Variants in FCGR2B observed in about 807,000 individuals in gnomAD.
The protein encoded by FCGR2B is Fc gamma receptor IIb, also known as low affinity immunoglobulin gamma Fc region receptor II-b.
Under a neutral mutation model 24.8 loss-of-function variants are expected in FCGR2B, and 18 were observed. The ratio of observed to expected loss-of-function variants is 0.73; its 90% CI spans 0.50 to 1.08. FCGR2B has a LOEUF of 1.08. Among genes scored for constraint, FCGR2B ranks in the 50% least tolerant of loss-of-function variants. FCGR2B has a pLI of 0.00. For synonymous variants in FCGR2B, 79 were observed against 109.8 expected, an observed-to-expected ratio of 0.72 and a Z score of 1.75; for missense variants, 215 against 297.6, an observed-to-expected ratio of 0.72 and a Z score of 2.04.
At position 161,671,519 on chromosome 1, in the gene FCGR2B, T is replaced by A; in HGVS notation, c.261T>A (p.Asn87Lys). 6.2e-7 allele frequency: 1 copy of A among 1,614,192 alleles called. No individual in the cohort carries two copies. Among genetic ancestry groups the A allele is most frequent in the Non-Finnish European group, 8.5e-7 (1 of 1,180,042 alleles). ...PESDSIQWFH[N>K]GNLIPTHTQP... ...GCGACTCCATTCAGTGGTTCCACAATGGGAATCTCATTCCCACCCACACGC... is the reference window on the plus strand; with the variant it reads ...GCGACTCCATTCAGTGGTTCCACAAAGGGAATCTCATTCCCACCCACACGC... The change falls in exon 3 of 8, where the codon AAT (asparagine) becomes AAA (lysine). Residue 87 changes from asparagine to lysine, a missense_variant. By Grantham distance (94) the Asn-to-Lys change is moderately conservative (BLOSUM62 0). Coordinates refer to ENST00000358671, the MANE Select transcript of FCGR2B (RefSeq NM_001394477.1).
chr1:161,677,553 G>A lies in FCGR2B; in HGVS notation c.933G>A (p.Ter311=), dbSNP rs201916910. ...LEEPDDQNRI[*] is the part of the protein sequence containing the mutation. The stretch of plus-strand genomic sequence containing the variant: ...AGCCTGATGACCAGAACCGTATTTA[G>A]TCTCCATTGTCTTGCATTGGGATTT... The change falls in exon 8 of 8, where the codon TAG becomes TAA. Residue 311 remains the stop codon, a stop_retained_variant. Coordinates refer to ENST00000358671, the MANE Select transcript of FCGR2B (RefSeq NM_001394477.1). 5.6e-6 allele frequency: 9 copies of A among 1,605,688 alleles called. No individual in the cohort carries two copies. The highest frequency in any genetic ancestry group is 6.8e-6 in the Non-Finnish European group (8 of 1,173,792).
the FCGR2B span, among the ~76,000 whole-genome samples, chr1:161,653,005 A>G: frequency 7.4e-6 from 1 of 134,352 alleles, no homozygotes; most frequent in Admixed American, 8.2e-5. Flanking sequence ...TTCTCTCTTC[A>G]GTGGCAGAGT....
At chr1:161,648,986 T>C in the FCGR2B span, among the ~76,000 whole-genome samples, 2 of 151,076 alleles carry the variant, frequency 1.3e-5, no homozygotes, top group African/African-American at 4.9e-5. Flanking sequence ...ATCTGTAATG[T>C]ATATTTGGGA....
Position 161,672,973 on chromosome 1 carries a change from A to C in FCGR2B, c.392-2A>C. Reference sequence around the variant, plus strand: ...TCCTCTGCGGTTTTTTGTGTCTTTCAGAGTGGCTGGTGCTCCAGACCCCTC... The same window carrying C: ...TCCTCTGCGGTTTTTTGTGTCTTTCCGAGTGGCTGGTGCTCCAGACCCCTC... On this transcript the variant is annotated splice_acceptor_variant, in intron 3 of 7. Transcript: ENST00000358671. LOFTEE classifies it high-confidence loss of function. The C allele has an allele frequency of 6.2e-7, 1 of 1,613,748 alleles. No individual in the cohort carries two copies. Among genetic ancestry groups the C allele is most frequent in the South Asian group, 1.1e-5 (1 of 91,038 alleles).
At chr1:161,654,603 C>T in the FCGR2B span, among the ~76,000 whole-genome samples, 4 of 132,948 alleles carry the variant, frequency 3.0e-5, no homozygotes, top group Non-Finnish European at 3.5e-5. Context: ...GCTTCAAATG[C>T]GTAGGAATGG....
At chr1:161,654,418 G>A in the FCGR2B span, among the ~76,000 whole-genome samples, 1 of 136,904 alleles carries the variant, frequency 7.3e-6, no homozygotes, top group Non-Finnish European at 1.7e-5. Context: ...CAGGTGTAAT[G>A]GGCTCTTTTC....
intron 3 of FCGR2B, chr1:161,671,905 A>G (rs1268784255): frequency 1.5e-6 from 1 of 645,206 alleles, no homozygotes; most frequent in African/African-American, 1.8e-5. Context: ...TTCCATTTTA[A>G]TGGCAGAATT....
the FCGR2B span, among the ~76,000 whole-genome samples, chr1:161,652,607 T>A: frequency 1.5e-5 from 2 of 135,238 alleles, no homozygotes; most frequent in Non-Finnish European, 3.3e-5. Flanking sequence ...ATCTGAATCA[T>A]CTTTTAGCAG....
chr1:161,648,400 T>C, the FCGR2B span, among the ~76,000 whole-genome samples: 4 of 147,422 alleles, frequency 2.7e-5, no homozygotes, highest in Non-Finnish European at 6.0e-5. Flanking sequence ...TTGTTAATCT[T>C]TTAAACTTTA....
Position 161,669,567 on chromosome 1 carries a change from C to G in FCGR2B, c.113-685C>G, listed in dbSNP as rs1388439001. On this transcript the variant is annotated intron_variant, in intron 1 of 7. Coordinates refer to ENST00000358671, the MANE Select transcript of FCGR2B (RefSeq NM_001394477.1). ...CCTGGGTGACAGAGTGAGACCCTGT[C>G]CCCCCACAAAATAAAATAAAATAAA... Among the ~76,000 whole-genome samples, 3 of 124,736 alleles carry G rather than the reference C, an allele frequency of 2.4e-5. 1 individual carries two copies. The Admixed American group carries it at 2.5e-4, about 11-fold the overall frequency. The allele number at this position is 124,736 out of a possible 152,430, so 81.8% of individuals were successfully genotyped here.
In FCGR2B at chr1:161,678,287, T is replaced by A; in HGVS notation, c.*734T>A. 1 of 218,752 alleles carries A rather than the reference T, an allele frequency of 4.6e-6. No individual in the cohort carries two copies. The highest frequency in any genetic ancestry group is 9.2e-6 in the Non-Finnish European group (1 of 108,956). 13.6% of individuals were successfully genotyped at this position (218,752 alleles called of 1,614,324 possible). ...CAACAACAGACTGCATATATGATGG[T>A]GATCCCATAAAATTATAATACCATA... On this transcript the variant is annotated 3_prime_UTR_variant, in exon 8 of 8. Transcript: ENST00000358671.
At position 161,673,027 on chromosome 1, in the gene FCGR2B, C is replaced by T. The variant is rs1312853866; in HGVS notation, c.444C>T (p.Ile148=). Reference sequence around the variant, plus strand: ...TGGAGTTCCAGGAGGGAGAAACCATCGTGCTGAGGTGCCACAGCTGGAAGG... The same window carrying T: ...TGGAGTTCCAGGAGGGAGAAACCATTGTGCTGAGGTGCCACAGCTGGAAGG... ...PHLEFQEGET[I]VLRCHSWKDK... is the part of the protein sequence containing the mutation. The change falls in exon 4 of 8, where the codon ATC becomes ATT. Residue 148 remains isoleucine (I), a synonymous_variant. Coordinates refer to ENST00000358671, the MANE Select transcript of FCGR2B (RefSeq NM_001394477.1). 2.4e-5 allele frequency: 38 copies of T among 1,612,306 alleles called. No individual in the cohort carries two copies. Among genetic ancestry groups the T allele is most frequent in the Admixed American group, 3.3e-5 (2 of 59,726 alleles).
At chr1:161,661,112 T>A, upstream of FCGR2B, among the ~76,000 whole-genome samples, 1 of 65,878 alleles carries the variant, frequency 1.5e-5, no homozygotes, top group Non-Finnish European at 3.0e-5. Context: ...AGAGAGACTC[T>A]GGCAAGTAAG....
At chr1:161,675,407 G>GCTCCCTCCCTGGCTCCCAGCTGAACTT in intron 6 of FCGR2B, 94 bp downstream of exon 6, 1 of 842,270 alleles carries the variant, frequency 1.2e-6, no homozygotes. Flanking sequence ...AAGTTCAGCT[G>GCTCCCTCCCTGGCTCCCAGCTGAACTT]GGAGCCAGGG....
intron 4 of FCGR2B, chr1:161,673,530 G>A (rs1462425230): frequency 4.1e-6 from 3 of 731,130 alleles, no homozygotes; most frequent in African/African-American, 1.7e-5. Context: ...TAAGCTCCTG[G>A]GCATTCCTAA....
chr1:161,661,231 AAAG>A (rs1681041357), upstream of FCGR2B, among the ~76,000 whole-genome samples: 2 of 84,004 alleles, frequency 2.4e-5, no homozygotes, highest in Non-Finnish European at 5.7e-5. Flanking sequence ...AGAAAGAAAG[AAAG>A]AAAGAAAGAA....
the FCGR2B span, among the ~76,000 whole-genome samples, chr1:161,654,727 G>A: frequency 1.1e-3 from 152 of 135,928 alleles, no homozygotes; most frequent in African/African-American, 3.6e-3. Flanking sequence ...TTCCTTCCAC[G>A]CTGTCTTACA....
At chr1:161,669,720 T>G (rs1338260006) in intron 1 of FCGR2B, among the ~76,000 whole-genome samples, 1 of 126,124 alleles carries the variant, frequency 7.9e-6, no homozygotes, top group Non-Finnish European at 1.8e-5. Flanking sequence ...CATTTACACT[T>G]ATGTATGTCT....
In FCGR2B at chr1:161,671,297, A is replaced by C. The variant is rs998819128; in HGVS notation, c.134-95A>C. 4 of 1,590,942 alleles carry C rather than the reference A, an allele frequency of 2.5e-6. No homozygotes were observed. In the Admixed American group the frequency reaches 7.0e-5, roughly 28 times the overall value. ...GCCTGGCTCGGCTTTTGGTGCCCCT[A>C]GTAGGCCTACAGGTGCTTTTTTGTC... On this transcript the variant is annotated intron_variant, in intron 2 of 7. Transcript: ENST00000358671.
Sources: allele counts gnomAD v4.1 joint callset (sites outside exome capture counted in the v4.1 genomes callset), GRCh38; gene constraint gnomAD v4.1.1; transcripts MANE v1.5; gene names NCBI Gene and HGNC (gene_info 2026-07-23, HGNC 2026-07-21).